Variants in NRG3 observed in about 807,000 individuals in gnomAD.
NRG3 encodes pro-neuregulin-3, membrane-bound isoform.
Under a neutral mutation model 66.9 loss-of-function variants are expected in NRG3, and 31 were observed. That is an observed-to-expected ratio of 0.46 (90% CI 0.35 to 0.63). NRG3 has a LOEUF of 0.63. Among genes scored for constraint, NRG3 ranks in the 20% least tolerant of loss-of-function variants. NRG3 has a pLI of 0.00. For synonymous variants in NRG3, 393 were observed against 359.4 expected (o/e 1.09, Z -1.06); for missense variants, 910 against 878.9 (o/e 1.04, Z -0.45).
intron 2 of NRG3, among the ~76,000 whole-genome samples, chr10:82,374,113 C>G (rs902195380): frequency 6.6e-6 from 1 of 152,052 alleles, no homozygotes; most frequent in Admixed American, 6.6e-5. Flanking sequence ...ATTTTTTAGA[C>G]GACAAATTTG....
At chr10:82,496,339 A>T (rs573212316) in intron 2 of NRG3, among the ~76,000 whole-genome samples, 132 of 152,282 alleles carry the variant, frequency 8.7e-4, no homozygotes, top group African/African-American at 3.1e-3. Context: ...TAATAACACC[A>T]CTGTAATCTG....
intron 1 of NRG3, among the ~76,000 whole-genome samples, chr10:82,097,814 T>C (rs1345682017): frequency 6.6e-6 from 1 of 152,070 alleles, no homozygotes; most frequent in African/African-American, 2.4e-5. Context: ...AATACATGTG[T>C]AGTAGTATGT....
At chr10:82,075,963 A>AC (rs1454533669) in intron 1 of NRG3, among the ~76,000 whole-genome samples, 1 of 151,808 alleles carries the variant, frequency 6.6e-6, no homozygotes, top group Non-Finnish European at 1.5e-5. Context: ...TTAAAAAAAA[A>AC]AACGATCATT....
At chr10:82,441,302 A>G (rs1425023825) in intron 2 of NRG3, among the ~76,000 whole-genome samples, 18 of 152,202 alleles carry the variant, frequency 1.2e-4, no homozygotes, top group Non-Finnish European at 1.5e-5. Context: ...ATACACATAT[A>G]AGGGATTTCG....
At chr10:82,397,630 A>G (rs1564876918) in intron 2 of NRG3, among the ~76,000 whole-genome samples, 1 of 152,164 alleles carries the variant, frequency 6.6e-6, no homozygotes, top group Non-Finnish European at 1.5e-5. Context: ...AGGGTTTTAA[A>G]TGCCTGTCAA....
rs189944390 is a variant in NRG3 at position 81,983,099 on chromosome 10, C to A, written c.823+106936C>A. ...ATGCTGATGGGTTTCGGCTCTCAGA[C>A]CTGTTGGACACAGATGTACCATACC... is the stretch of plus-strand genomic sequence containing the variant. On this transcript the variant is annotated intron_variant, in intron 1 of 8. Coordinates refer to ENST00000372141, the MANE Select transcript of NRG3 (RefSeq NM_001010848.4). 5.9e-5 allele frequency among the ~76,000 whole-genome samples: 9 copies of A among 152,172 alleles called. No individual in the cohort carries two copies. In the East Asian group the frequency reaches 1.5e-3, roughly 26 times the overall value.
At chr10:82,873,571 T>C (rs150920012) in intron 4 of NRG3, among the ~76,000 whole-genome samples, 1 of 152,338 alleles carries the variant, frequency 6.6e-6, no homozygotes, top group East Asian at 1.9e-4. Flanking sequence ...ATTTCTTATC[T>C]AACAAATATC....
intron 2 of NRG3, among the ~76,000 whole-genome samples, chr10:82,583,659 C>G (rs2046495216): frequency 6.6e-6 from 1 of 152,158 alleles, no homozygotes; most frequent in African/African-American, 2.4e-5. Context: ...ACATGGAACT[C>G]CCAAGTATGG....
intron 2 of NRG3, among the ~76,000 whole-genome samples, chr10:82,412,446 T>C (rs1191223102): frequency 6.6e-6 from 1 of 152,160 alleles, no homozygotes; most frequent in Non-Finnish European, 1.5e-5. Context: ...TAAAAAACAC[T>C]TTATTGATTA....
rs1344569403 is a variant in NRG3 at position 82,413,496 on chromosome 10, C to A, written c.953+54628C>A. Among the ~76,000 whole-genome samples the A allele has an allele frequency of 2.0e-5, 3 of 152,094 alleles. No individual in the cohort carries two copies. In the East Asian group the frequency reaches 5.8e-4, roughly 29 times the overall value. ...GTAGATTTAACATAATTCTTAATGA[C>A]CTTACAGTTTCCGGAATGATAAATG... On this transcript the variant is annotated intron_variant, in intron 2 of 8. Transcript: ENST00000372141.
At chr10:82,534,826 T>C (rs1177833597) in intron 2 of NRG3, among the ~76,000 whole-genome samples, 1 of 151,872 alleles carries the variant, frequency 6.6e-6, no homozygotes, top group Non-Finnish European at 1.5e-5. Flanking sequence ...GGAGAAAGGA[T>C]AGTCTCTTCA....
At chr10:82,083,462 C>T (rs1408738422) in intron 1 of NRG3, among the ~76,000 whole-genome samples, 3 of 152,092 alleles carry the variant, frequency 2.0e-5, no homozygotes, top group Non-Finnish European at 4.4e-5. Context: ...ACAGATTAGC[C>T]TTTCCTCCTG....
chr10:82,920,062 A>T (rs1017405132), intron 4 of NRG3, among the ~76,000 whole-genome samples: 2 of 152,188 alleles, frequency 1.3e-5, no homozygotes, highest in Non-Finnish European at 2.9e-5. Flanking sequence ...TCCCATACTT[A>T]TGACATGTAA....
chr10:81,906,319 C>A (rs1220177631), intron 1 of NRG3, among the ~76,000 whole-genome samples: 1 of 152,072 alleles, frequency 6.6e-6, no homozygotes, highest in Non-Finnish European at 1.5e-5. Context: ...TGTTCGTTTC[C>A]CAGATGCTCT....
At chr10:82,525,122 G>A (rs897757623) in intron 2 of NRG3, among the ~76,000 whole-genome samples, 22 of 151,924 alleles carry the variant, frequency 1.4e-4, no homozygotes, top group Non-Finnish European at 2.7e-4. Flanking sequence ...ATAACAAAAA[G>A]GATGGGCTTG....
At chr10:82,342,829 A>C (rs867237834) in intron 1 of NRG3, among the ~76,000 whole-genome samples, 1 of 152,056 alleles carries the variant, frequency 6.6e-6, no homozygotes, top group African/African-American at 2.4e-5. Context: ...ACTTGGTCAT[A>C]AATTCTTTGC....
chr10:82,428,629 A>G (rs984663946), intron 2 of NRG3, among the ~76,000 whole-genome samples: 1 of 152,024 alleles, frequency 6.6e-6, no homozygotes, highest in Non-Finnish European at 1.5e-5. Flanking sequence ...TTATGTCCTA[A>G]TATGCAATCT....
At chr10:82,610,499 G>T (rs1213171440) in intron 2 of NRG3, among the ~76,000 whole-genome samples, 1 of 152,122 alleles carries the variant, frequency 6.6e-6, no homozygotes, top group African/African-American at 2.4e-5. Flanking sequence ...ATGAAACAAT[G>T]ACTGGCATCG....
intron 2 of NRG3, among the ~76,000 whole-genome samples, chr10:82,677,704 A>T (rs1448296721): frequency 3.3e-5 from 5 of 152,150 alleles, no homozygotes; most frequent in Non-Finnish European, 5.9e-5. Context: ...AGGGGGTGTA[A>T]GGCAGAGTGA....
Sources: gnomAD v4.1 joint callset for allele counts (sites outside exome capture counted in the v4.1 genomes callset) on GRCh38, gnomAD v4.1.1 for gene constraint, MANE v1.5 for transcripts, NCBI Gene and HGNC (gene_info 2026-07-23, HGNC 2026-07-21) for gene names.